Variants in PCYT1B observed in about 807,000 individuals in gnomAD.
The protein encoded by PCYT1B is choline-phosphate cytidylyltransferase B.
A neutral mutation model predicts 26.4 loss-of-function variants in PCYT1B; 10 were observed. The ratio of observed to expected loss-of-function variants is 0.38; its 90% CI spans 0.23 to 0.64. The LOEUF (loss-of-function observed/expected upper bound fraction) is 0.64, where lower values mean the gene tolerates loss of function less well. Ranked by LOEUF, PCYT1B falls within the 30% of genes least tolerant of loss-of-function variation. The pLI, the probability that PCYT1B is intolerant of heterozygous loss-of-function variation, is 0.56. For synonymous variants in PCYT1B, 131 were observed against 108.4 expected (o/e 1.21, Z -1.29); for missense variants, 161 against 292.7 (o/e 0.55, Z 3.28).
chrX:24,588,480 A>G (rs1204271704), intron 4 of PCYT1B, among the ~76,000 whole-genome samples: 3 of 112,151 alleles, frequency 2.7e-5, no homozygotes, highest in African/African-American at 9.7e-5. Flanking sequence ...CAAGCCCTTT[A>G]TAATGGGGTT....
chrX:24,567,440 T>G (rs777435818), intron 7 of PCYT1B, among the ~76,000 whole-genome samples: 2 of 112,269 alleles, frequency 1.8e-5, no homozygotes, highest in Admixed American at 1.9e-4. Flanking sequence ...CAGTTTGTAA[T>G]GAGCTTCCTG....
chrX:24,614,324 T>C (rs1925414278), intron 2 of PCYT1B, among the ~76,000 whole-genome samples: 1 of 112,210 alleles, frequency 8.9e-6, no homozygotes, highest in African/African-American at 3.2e-5. Context: ...AGTTCTAAAT[T>C]TGTAAAACAC....
At chrX:24,619,143 T>G in intron 1 of PCYT1B, 59 bp from the exon 2 acceptor site, 1 of 816,281 alleles carries the variant, frequency 1.2e-6, no homozygotes, top group Non-Finnish European at 1.9e-6. Flanking sequence ...GGCACTAACT[T>G]CCTCTGAAGT....
intron 1 of PCYT1B, among the ~76,000 whole-genome samples, chrX:24,666,891 A>G (rs1378124256): frequency 9.0e-6 from 1 of 110,571 alleles, no homozygotes; most frequent in Non-Finnish European, 1.9e-5. Context: ...TTTCTCTCAC[A>G]TTGTTCCCAG....
At chrX:24,573,506 AC>A (rs1923921412) in intron 7 of PCYT1B, among the ~76,000 whole-genome samples, 1 of 110,392 alleles carries the variant, frequency 9.1e-6, no homozygotes, top group African/African-American at 3.3e-5. Flanking sequence ...TACTATACCA[AC>A]TCTTATCAGC....
rs149727935 is a variant in PCYT1B at position 24,566,493 on chromosome X, C to T, written c.898-3988G>A. Among the ~76,000 whole-genome samples, 7 of 111,652 alleles carry T rather than the reference C, an allele frequency of 6.3e-5. No homozygotes were observed. The East Asian group carries it at 2.0e-3, about 31-fold the overall frequency. ...TGGGAAACAGATGGGAGTGATAACC[C>T]GAAATGCTAACAGAGAGACTGCTCT... On this transcript the variant is annotated intron_variant, in intron 7 of 7. Transcript: ENST00000379144.
chrX:24,599,453 A>G (rs146013067), intron 3 of PCYT1B, among the ~76,000 whole-genome samples: 4,152 of 111,901 alleles, frequency 0.037, 180 homozygotes, highest in African/African-American at 0.13. Context: ...TAGGGATAAA[A>G]TTGATGTTAA....
intron 2 of PCYT1B, among the ~76,000 whole-genome samples, chrX:24,611,514 G>A (rs903997244): frequency 9.0e-6 from 1 of 111,350 alleles, no homozygotes; most frequent in Non-Finnish European, 1.9e-5. Context: ...CATGGCTATC[G>A]TGGAGAGACG....
At chrX:24,589,162 G>A (rs1924470777) in intron 4 of PCYT1B, among the ~76,000 whole-genome samples, 1 of 111,967 alleles carries the variant, frequency 8.9e-6, no homozygotes, top group Non-Finnish European at 1.9e-5. Context: ...ATTACTGGAA[G>A]TAAATCATAT....
At position 24,647,274 on chromosome X, in the gene PCYT1B, CCTCT is replaced by C. The variant is rs1214367686; in HGVS notation, c.-173_-170del. On this transcript the variant is annotated 5_prime_UTR_variant, in exon 1 of 8. Coordinates refer to ENST00000379144, the MANE Select transcript of PCYT1B (RefSeq NM_004845.5). ...GGAAGTAAAGAGGTTACCCCCCGCCCCTCTCTCTCTCTCTCTCTCCCAGAAGCCA... is the reference window on the plus strand; with the variant it reads ...GGAAGTAAAGAGGTTACCCCCCGCCCCTCTCTCTCTCTCTCCCAGAAGCCA... 6.4e-4 allele frequency: 566 copies of C among 885,245 alleles called. No homozygotes were observed. Among genetic ancestry groups the C allele is most frequent in the Middle Eastern group, 1.8e-3 (4 of 2,265 alleles). The allele number at this position is 885,245 out of a possible 1,213,427, so 73.0% of individuals were successfully genotyped here. A position where few individuals can be genotyped will look rare whatever the true frequency, so the allele number is the denominator to read the frequency against.
chrX:24,598,586 T>A (rs1213023803), intron 3 of PCYT1B, among the ~76,000 whole-genome samples: 2 of 111,556 alleles, frequency 1.8e-5, no homozygotes, highest in Non-Finnish European at 3.8e-5. Flanking sequence ...TTCGTATAAA[T>A]ATCACATAAT....
intron 1 of PCYT1B, among the ~76,000 whole-genome samples, chrX:24,656,129 C>CAA (rs34397973): frequency 0.017 from 100 of 5,815 alleles, 1 homozygote; most frequent in East Asian, 0.019. Flanking sequence ...AACTCCATCT[C>CAA]AAAAAAAAAA....
chrX:24,587,952 C>T (rs897365050), intron 4 of PCYT1B, among the ~76,000 whole-genome samples: 2 of 112,786 alleles, frequency 1.8e-5, no homozygotes, highest in African/African-American at 6.4e-5. Context: ...GCTTAATTCC[C>T]ACTGCATCCC....
At chrX:24,629,137 A>G (rs1925969394) in intron 1 of PCYT1B, among the ~76,000 whole-genome samples, 1 of 112,432 alleles carries the variant, frequency 8.9e-6, no homozygotes, top group Non-Finnish European at 1.9e-5. Context: ...TCAAATGTTT[A>G]TTGGCCATTT....
intron 1 of PCYT1B, among the ~76,000 whole-genome samples, chrX:24,663,571 A>G (rs1214313076): frequency 8.9e-6 from 1 of 112,223 alleles, no homozygotes; most frequent in Non-Finnish European, 1.9e-5. Flanking sequence ...AATTCCCTGG[A>G]AAATGTAGAT....
chrX:24,662,520 G>A (rs1927050188), intron 1 of PCYT1B, among the ~76,000 whole-genome samples: 1 of 111,841 alleles, frequency 8.9e-6, no homozygotes, highest in African/African-American at 3.3e-5. Flanking sequence ...AAGGCTTGAC[G>A]TGCAGCTCAT....
chrX:24,574,604 ACTT>A (rs1456955727), intron 7 of PCYT1B, among the ~76,000 whole-genome samples: 1 of 111,606 alleles, frequency 9.0e-6, no homozygotes, highest in Non-Finnish European at 1.9e-5. Context: ...GCAAACTCCT[ACTT>A]CTTCTCTCTC....
At chrX:24,669,934 T>C (rs911093213) in intron 1 of PCYT1B, among the ~76,000 whole-genome samples, 4 of 107,981 alleles carry the variant, frequency 3.7e-5, no homozygotes, top group African/African-American at 1.4e-4. Flanking sequence ...TCCTAGCTCC[T>C]TGGGGGGCTG....
chrX:24,647,267 C>A lies in PCYT1B; in HGVS notation c.-162G>T. 9.6e-7 allele frequency: 1 copy of A among 1,037,673 alleles called. No homozygotes were observed. The highest frequency in any genetic ancestry group is 3.6e-5 in the East Asian group (1 of 27,634). 85.5% of individuals were successfully genotyped at this position (1,037,673 alleles called of 1,213,427 possible). ...CCCTAGGGGAAGTAAAGAGGTTACCCCCCGCCCCTCTCTCTCTCTCTCTCT... is the reference window on the plus strand; with the variant it reads ...CCCTAGGGGAAGTAAAGAGGTTACCACCCGCCCCTCTCTCTCTCTCTCTCT... On this transcript the variant is annotated 5_prime_UTR_variant, in exon 1 of 8. Transcript: ENST00000379144.
Sources: allele counts gnomAD v4.1 joint callset (sites outside exome capture counted in the v4.1 genomes callset), GRCh38; gene constraint gnomAD v4.1.1; transcripts MANE v1.5; gene names NCBI Gene and HGNC (gene_info 2026-07-23, HGNC 2026-07-21).